UBE2R2: variants seen among roughly 807,000 people sequenced by gnomAD.
The protein encoded by UBE2R2 is ubiquitin-conjugating enzyme E2 R2.
In UBE2R2, 1 loss-of-function variant was observed where a neutral mutation model predicts 27.8. The ratio of observed to expected loss-of-function variants is 0.04; its 90% CI spans 0.01 to 0.17. The LOEUF is 0.17. Ranked by LOEUF, UBE2R2 falls within the 10% of genes least tolerant of loss-of-function variation. UBE2R2 has a pLI of 1.00. For synonymous variants in UBE2R2, 106 were observed against 113.3 expected, an observed-to-expected ratio of 0.94 and a Z score of 0.41; for missense variants, 100 against 291.0, an observed-to-expected ratio of 0.34 and a Z score of 4.78.
intron 3 of UBE2R2, among the ~76,000 whole-genome samples, chr9:33,903,563 G>A (rs1304991004): frequency 6.6e-6 from 1 of 152,052 alleles, no homozygotes; most frequent in Non-Finnish European, 1.5e-5. Context: ...TACTTCTCTT[G>A]CATTTACACG....
At chr9:33,828,559 G>GTTAT (rs1156376027) in intron 1 of UBE2R2, among the ~76,000 whole-genome samples, 1 of 150,652 alleles carries the variant, frequency 6.6e-6, no homozygotes, top group Non-Finnish European at 1.5e-5. Flanking sequence ...GCTAATTTTT[G>GTTAT]TTATTTATTT....
At chr9:33,887,204 CTT>C (rs2130796556) in intron 2 of UBE2R2, among the ~76,000 whole-genome samples, 2 of 152,276 alleles carry the variant, frequency 1.3e-5, no homozygotes, top group South Asian at 4.1e-4. Flanking sequence ...GGGCTTTAGA[CTT>C]TTGCTGTTCA....
At chr9:33,883,290 A>G (rs1293027980) in intron 1 of UBE2R2, among the ~76,000 whole-genome samples, 3 of 152,162 alleles carry the variant, frequency 2.0e-5, no homozygotes, top group Non-Finnish European at 2.9e-5. Flanking sequence ...ACCTGGAGAT[A>G]ACATCAGATT....
intron 1 of UBE2R2, among the ~76,000 whole-genome samples, chr9:33,844,923 C>A (rs139199679): frequency 5.3e-4 from 80 of 151,948 alleles, no homozygotes; most frequent in Non-Finnish European, 9.3e-4. Flanking sequence ...TGTGCCACCA[C>A]GCCTGGATAA....
chr9:33,871,478 G>A (rs1007990782), intron 1 of UBE2R2, among the ~76,000 whole-genome samples: 1 of 152,164 alleles, frequency 6.6e-6, no homozygotes, highest in African/African-American at 2.4e-5. Flanking sequence ...AGTGGTTCAG[G>A]CATTTTAGGG....
intron 1 of UBE2R2, among the ~76,000 whole-genome samples, chr9:33,837,395 T>C (rs1376062883): frequency 1.3e-5 from 2 of 151,322 alleles, no homozygotes. Context: ...CAGCCTCTTA[T>C]TTTCAGTTTA....
At chr9:33,819,754 T>C (rs1478962680) in intron 1 of UBE2R2, among the ~76,000 whole-genome samples, 1 of 152,126 alleles carries the variant, frequency 6.6e-6, no homozygotes, top group Non-Finnish European at 1.5e-5. Flanking sequence ...TTCTCCTGCC[T>C]CAGCCTCCCA....
At position 33,826,111 on chromosome 9, in the gene UBE2R2, A is replaced by C. The variant is rs1587424885; in HGVS notation, c.177+8177A>C. Reference sequence around the variant, plus strand: ...GTGAGCCAAAATCTTGTGCCACTGCACTCCAGCCTGAGCAACAGAATGGGA... The same window carrying C: ...GTGAGCCAAAATCTTGTGCCACTGCCCTCCAGCCTGAGCAACAGAATGGGA... On this transcript the variant is annotated intron_variant, in intron 1 of 4. Transcript: ENST00000263228. Among the ~76,000 whole-genome samples, 3 of 150,542 alleles carry C rather than the reference A, an allele frequency of 2.0e-5. No individual in the cohort carries two copies. In the South Asian group the frequency reaches 6.3e-4, roughly 32 times the overall value.
intron 1 of UBE2R2, among the ~76,000 whole-genome samples, chr9:33,824,456 G>A (rs1386033228): frequency 2.0e-5 from 3 of 152,066 alleles, no homozygotes; most frequent in Admixed American, 6.6e-5. Context: ...CTAACGTGGT[G>A]AAACCCCATC....
At chr9:33,872,899 G>A (rs1821517876) in intron 1 of UBE2R2, among the ~76,000 whole-genome samples, 1 of 150,578 alleles carries the variant, frequency 6.6e-6, no homozygotes, top group Non-Finnish European at 1.5e-5. Context: ...ATCAGGCCGG[G>A]CTCTGTGGCT....
At chr9:33,869,876 C>T (rs1325390414) in intron 1 of UBE2R2, among the ~76,000 whole-genome samples, 1 of 151,642 alleles carries the variant, frequency 6.6e-6, no homozygotes, top group Non-Finnish European at 1.5e-5. Flanking sequence ...GATGGAGTTT[C>T]GCTCTTGTTG....
intron 1 of UBE2R2, among the ~76,000 whole-genome samples, chr9:33,865,940 T>C (rs1201765083): frequency 1.3e-5 from 2 of 151,758 alleles, no homozygotes; most frequent in Non-Finnish European, 2.9e-5. Context: ...CTAGTGATTG[T>C]CCTGCCTCAG....
At chr9:33,874,151 T>G (rs1821552316) in intron 1 of UBE2R2, among the ~76,000 whole-genome samples, 1 of 152,030 alleles carries the variant, frequency 6.6e-6, no homozygotes, top group Non-Finnish European at 1.5e-5. Flanking sequence ...TTTCACCATG[T>G]TGGCCAGGCT....
intron 1 of UBE2R2, among the ~76,000 whole-genome samples, chr9:33,837,933 T>C (rs756722705): frequency 5.3e-5 from 8 of 152,142 alleles, no homozygotes; most frequent in Admixed American, 2.0e-4. Flanking sequence ...TATACAGATA[T>C]ATAGGTAAAT....
intron 1 of UBE2R2, among the ~76,000 whole-genome samples, chr9:33,826,374 T>C (rs1253117428): frequency 2.0e-5 from 3 of 152,014 alleles, no homozygotes; most frequent in African/African-American, 4.8e-5. Flanking sequence ...CACATGATAA[T>C]TGGAAAATTC....
chr9:33,901,432 C>T (rs915922461), intron 3 of UBE2R2, among the ~76,000 whole-genome samples: 6 of 152,192 alleles, frequency 3.9e-5, no homozygotes, highest in Non-Finnish European at 8.8e-5. Flanking sequence ...TCATTCTGTA[C>T]TCCTTGGAAG....
intron 2 of UBE2R2, among the ~76,000 whole-genome samples, chr9:33,896,543 A>G (rs748303182): frequency 2.6e-5 from 4 of 151,374 alleles, no homozygotes; most frequent in Non-Finnish European, 5.9e-5. Flanking sequence ...CCTGGGTTCA[A>G]GCGATTCTCC....
chr9:33,824,128 A>G (rs911605979), intron 1 of UBE2R2, among the ~76,000 whole-genome samples: 5 of 152,206 alleles, frequency 3.3e-5, no homozygotes, highest in African/African-American at 1.2e-4. Flanking sequence ...TTCATAGAAT[A>G]TGCTTTTATC....
intron 3 of UBE2R2, among the ~76,000 whole-genome samples, chr9:33,908,703 C>A (rs1436299707): frequency 6.6e-6 from 1 of 152,152 alleles, no homozygotes; most frequent in South Asian, 2.1e-4. Context: ...TCTTAATACA[C>A]AAGATGTAAG....
Sources: gnomAD v4.1 joint callset for allele counts (sites outside exome capture counted in the v4.1 genomes callset) on GRCh38, gnomAD v4.1.1 for gene constraint, MANE v1.5 for transcripts, NCBI Gene and HGNC (gene_info 2026-07-23, HGNC 2026-07-21) for gene names.